DPP10: variants seen among roughly 807,000 people sequenced by gnomAD.
DPP10 encodes dipeptidyl peptidase like 10.
In DPP10, 33 loss-of-function variants were observed where a neutral mutation model predicts 120.9. The ratio of observed to expected loss-of-function variants is 0.27; its 90% CI spans 0.21 to 0.37. DPP10 has a LOEUF of 0.37. Among genes scored for constraint, DPP10 ranks in the 10% least tolerant of loss-of-function variants. The probability of loss-of-function intolerance (pLI) is 1.00; values close to 1 mark genes in which losing one functional copy is unlikely to be tolerated. For synonymous variants in DPP10, 337 were observed against 326.1 expected, an observed-to-expected ratio of 1.03 and a Z score of -0.36; for missense variants, 816 against 942.8, an observed-to-expected ratio of 0.87 and a Z score of 1.76.
intron 1 of DPP10, among the ~76,000 whole-genome samples, chr2:114,715,191 A>G (rs141997304): frequency 7.9e-5 from 12 of 152,336 alleles, no homozygotes; most frequent in Admixed American, 2.0e-4. Flanking sequence ...AAATTAAGAC[A>G]GTAATTAAGC....
At chr2:115,354,885 C>CGAAT (rs1164004313) in intron 3 of DPP10, among the ~76,000 whole-genome samples, 2 of 152,108 alleles carry the variant, frequency 1.3e-5, no homozygotes, top group African/African-American at 4.8e-5. Flanking sequence ...TAATCTCATT[C>CGAAT]CTTTTTATGG....
chr2:115,018,980 C>T (rs926327154), intron 1 of DPP10, among the ~76,000 whole-genome samples: 7 of 151,844 alleles, frequency 4.6e-5, no homozygotes, highest in African/African-American at 7.3e-5. Context: ...GGGGAGGAGC[C>T]ACAGCTGCTG....
chr2:115,823,993 G>C (rs1044112322), intron 21 of DPP10, among the ~76,000 whole-genome samples: 3 of 151,992 alleles, frequency 2.0e-5, no homozygotes, highest in Non-Finnish European at 4.4e-5. Flanking sequence ...GAATTTCCAG[G>C]TTCTGCTTTT....
At chr2:115,803,083 A>G (rs1685465321) in intron 19 of DPP10, among the ~76,000 whole-genome samples, 1 of 152,124 alleles carries the variant, frequency 6.6e-6, no homozygotes, top group Non-Finnish European at 1.5e-5. Flanking sequence ...TTTGTAGGTC[A>G]CTAAGGACTT....
intron 1 of DPP10, among the ~76,000 whole-genome samples, chr2:114,746,336 T>C (rs1678577134): frequency 6.6e-6 from 1 of 152,204 alleles, no homozygotes; most frequent in Non-Finnish European, 1.5e-5. Flanking sequence ...CTGGGTTCTA[T>C]TTCTGCTGAG....
chr2:114,442,877 C>A (rs760717547), intron 1 of DPP10, 39 bp downstream of exon 1: 3 of 1,608,958 alleles, frequency 1.9e-6, no homozygotes, highest in South Asian at 1.1e-5. Flanking sequence ...GCACATGTGT[C>A]TTCATTCATC....
intron 2 of DPP10, among the ~76,000 whole-genome samples, chr2:115,339,736 A>G (rs2063348971): frequency 6.6e-6 from 1 of 152,154 alleles, no homozygotes. Context: ...GATTGTGATT[A>G]TATAGCATTC....
At chr2:115,058,436 G>A (rs1706119936) in intron 1 of DPP10, among the ~76,000 whole-genome samples, 1 of 151,742 alleles carries the variant, frequency 6.6e-6, no homozygotes, top group Admixed American at 6.6e-5. Flanking sequence ...TTTTCACTCG[G>A]TCTCCCAAAC....
chr2:114,914,391 A>G (rs927398997), intron 1 of DPP10, among the ~76,000 whole-genome samples: 1 of 152,218 alleles, frequency 6.6e-6, no homozygotes, highest in Admixed American at 6.5e-5. Context: ...CTAGAAGAGT[A>G]ATGCCTATAT....
chr2:115,752,796 A>G (rs1396386937), intron 10 of DPP10, among the ~76,000 whole-genome samples: 2 of 152,210 alleles, frequency 1.3e-5, no homozygotes. Context: ...ATAAATGTAT[A>G]CTTGTTTTGC....
At chr2:115,734,953 C>T (rs545700369) in intron 8 of DPP10, among the ~76,000 whole-genome samples, 42 of 152,116 alleles carry the variant, frequency 2.8e-4, no homozygotes, top group Non-Finnish European at 5.4e-4. Context: ...TAGCCATTAA[C>T]AGCCAAAGGG....
chr2:115,739,465 T>C (rs1676985989), intron 8 of DPP10, among the ~76,000 whole-genome samples: 1 of 152,100 alleles, frequency 6.6e-6, no homozygotes, highest in South Asian at 2.1e-4. Context: ...TCATTCTGAT[T>C]ACTCCAGTAG....
intron 1 of DPP10, among the ~76,000 whole-genome samples, chr2:115,162,959 A>G (rs1199010232): frequency 6.6e-6 from 1 of 152,012 alleles, no homozygotes; most frequent in Non-Finnish European, 1.5e-5. Context: ...AGCCGGGTGC[A>G]GGTGCGCTCA....
In DPP10 at chr2:115,284,131, C is replaced by G. The variant is rs545295314; in HGVS notation, c.61-25108C>G. 1.6e-4 allele frequency among the ~76,000 whole-genome samples: 25 copies of G among 152,038 alleles called. No individual in the cohort carries two copies. In the South Asian group the frequency reaches 5.0e-3, roughly 30 times the overall value. On this transcript the variant is annotated intron_variant, in intron 1 of 25. Transcript: ENST00000410059. ...TCAATTTTCTCCATAATATCAAACT[C>G]TTATGTGATTCTAAGTAAGTAATTG...
At chr2:115,086,218 T>C (rs988727211) in intron 1 of DPP10, among the ~76,000 whole-genome samples, 3 of 152,160 alleles carry the variant, frequency 2.0e-5, no homozygotes, top group East Asian at 3.9e-4. Flanking sequence ...ATAGGAAACA[T>C]TTGTCATCTA....
intron 5 of DPP10, among the ~76,000 whole-genome samples, chr2:115,618,978 G>A (rs1034291088): frequency 2.0e-5 from 3 of 147,922 alleles, no homozygotes; most frequent in African/African-American, 5.0e-5. Flanking sequence ...TTCCTTTTCT[G>A]GTTAACACGT....
At position 114,827,546 on chromosome 2, in the gene DPP10, C is replaced by T. The variant is rs58487742; in HGVS notation, c.60+384708C>T. Among the ~76,000 whole-genome samples, 1,301 of 152,140 alleles carry T rather than the reference C, an allele frequency of 8.6e-3. 23 individuals carry two copies. Among genetic ancestry groups the T allele is most frequent in the African/African-American group, 0.03 (1,226 of 41,504 alleles). On this transcript the variant is annotated intron_variant, in intron 1 of 25. Transcript: ENST00000410059. Reference sequence around the variant, plus strand: ...CTAGTAAATATGGCATATATGTTTACGGTATATACCTGGACTCCTAGTATT... The same window carrying T: ...CTAGTAAATATGGCATATATGTTTATGGTATATACCTGGACTCCTAGTATT...
At chr2:115,677,692 TAAC>T (rs1192748071) in intron 5 of DPP10, among the ~76,000 whole-genome samples, 1 of 152,166 alleles carries the variant, frequency 6.6e-6, no homozygotes, top group Non-Finnish European at 1.5e-5. Context: ...TGTGTAATAA[TAAC>T]AAGATCAATT....
rs115275098 is a variant in DPP10, at chr2:114,815,666, C to A, written c.60+372828C>A. On this transcript the variant is annotated intron_variant, in intron 1 of 25. Coordinates refer to ENST00000410059, the MANE Select transcript of DPP10 (RefSeq NM_020868.6). ...CAGTCATCACTAAATACGTAGAAGA[C>A]GCATTCAGGGAATACACTGTCTTTC... 2.0e-5 allele frequency among the ~76,000 whole-genome samples: 3 copies of A among 152,234 alleles called. No homozygotes were observed. The East Asian group carries it at 5.8e-4, about 29-fold the overall frequency.
Sources: allele counts gnomAD v4.1 joint callset (sites outside exome capture counted in the v4.1 genomes callset), GRCh38; gene constraint gnomAD v4.1.1; transcripts MANE v1.5; gene names NCBI Gene and HGNC (gene_info 2026-07-23, HGNC 2026-07-21).